The following ARHGEF4 variants were observed in gnomAD, a reference collection of about 807,000 sequenced individuals.
The protein encoded by ARHGEF4 is APC-stimulated guanine nucleotide exchange factor 1.
ARHGEF4 carries 119 observed loss-of-function variants against 162.0 expected under a neutral mutation model. The observed-to-expected ratio is 0.73, with a 90% CI of 0.63 to 0.86. The LOEUF (loss-of-function observed/expected upper bound fraction) is 0.86. Ranked by LOEUF, ARHGEF4 falls within the 40% of genes least tolerant of loss-of-function variation. The pLI is 0.00. For missense variants in ARHGEF4, 2,488 were observed against 2,456.0 expected, an observed-to-expected ratio of 1.01 and a Z score of -0.28; for synonymous variants, 1,014 against 979.9, an observed-to-expected ratio of 1.03 and a Z score of -0.65.
chr2:130,916,365 G>A lies in ARHGEF4; in HGVS notation c.2419G>A (p.Ala807Thr). 2 of 1,540,158 alleles carry A rather than the reference G, an allele frequency of 1.3e-6. No individual in the cohort carries two copies. The highest frequency in any genetic ancestry group is 1.7e-6 in the Non-Finnish European group (2 of 1,145,114). The change falls in exon 2 of 14, where the codon GCC becomes ACC. Residue 807 changes from alanine (A) to threonine (T), a missense_variant. Physicochemically the swap from Ala to Thr is moderately conservative, Grantham distance 58. Around this residue, in one of 6 missense-constraint regions of ARHGEF4, gnomAD observed 1,642 missense variants for 1,481.5 expected, o/e 1.11. Transcript: ENST00000409359. ...CTCCTTCAGGAAGGGCAGGCCCTTG[G>A]CCACTGAGAGCCCAGGAGGGGTCCC... ...VTSFRKGRPL[A>T]TESPGGVPAP...
intron 1 of ARHGEF4, among the ~76,000 whole-genome samples, chr2:130,870,792 G>A (rs1452949021): frequency 6.6e-6 from 1 of 152,162 alleles, no homozygotes; most frequent in African/African-American, 2.4e-5. Context: ...AGACATGGGG[G>A]TTGGCGGTGG....
chr2:131,008,142 G>A (rs571286811), intron 4 of ARHGEF4, among the ~76,000 whole-genome samples: 1 of 151,844 alleles, frequency 6.6e-6, no homozygotes, highest in Admixed American at 6.6e-5. Context: ...TTGGCTACAT[G>A]GTGTTTCATT....
At chr2:130,946,960 G>A (rs1039264356) in intron 4 of ARHGEF4, 8 of 234,026 alleles carry the variant, frequency 3.4e-5, no homozygotes, top group East Asian at 9.5e-5. Context: ...GGCCGGGTGC[G>A]GTGGCTCATG....
intron 4 of ARHGEF4, among the ~76,000 whole-genome samples, chr2:130,947,891 C>G (rs1683718273): frequency 6.6e-6 from 1 of 152,172 alleles, no homozygotes; most frequent in Non-Finnish European, 1.5e-5. Context: ...TCTAAAAGCT[C>G]ATGGCTGCTG....
At chr2:130,847,467 C>T (rs1265933342) in intron 1 of ARHGEF4, among the ~76,000 whole-genome samples, 11 of 152,218 alleles carry the variant, frequency 7.2e-5, no homozygotes, top group Admixed American at 7.2e-4. Context: ...GTGACTTAAT[C>T]ATTCATCCCT....
At chr2:130,923,113 T>A (rs1681991232) in intron 2 of ARHGEF4, among the ~76,000 whole-genome samples, 1 of 152,066 alleles carries the variant, frequency 6.6e-6, no homozygotes, top group Non-Finnish European at 1.5e-5. Context: ...GTATTTTTAG[T>A]AGAGATGGGT....
chr2:130,964,062 C>A, intron 4 of ARHGEF4: 1 of 634,254 alleles, frequency 1.6e-6, no homozygotes, highest in East Asian at 1.4e-4. Context: ...CGCAGCAATG[C>A]CCCAGCGAGT....
chr2:130,913,704 CT>C (rs2105051556), intron 1 of ARHGEF4, among the ~76,000 whole-genome samples: 1 of 152,306 alleles, frequency 6.6e-6, no homozygotes, highest in African/African-American at 2.4e-5. Context: ...CATTTTTATA[CT>C]TATGTAAACG....
intron 4 of ARHGEF4, among the ~76,000 whole-genome samples, chr2:130,956,821 G>A (rs545972984): frequency 1.6e-5 from 2 of 128,872 alleles, no homozygotes; most frequent in Non-Finnish European, 3.3e-5. Flanking sequence ...ACTGTCGTGG[G>A]GTGGGGGGAG....
intron 1 of ARHGEF4, among the ~76,000 whole-genome samples, chr2:130,909,362 C>T (rs1262330683): frequency 1.3e-5 from 2 of 152,102 alleles, no homozygotes; most frequent in Non-Finnish European, 2.9e-5. Context: ...CTGTCACATG[C>T]AACAAAACAT....
At chr2:131,016,450 C>T (rs1241633160) in intron 4 of ARHGEF4, among the ~76,000 whole-genome samples, 5 of 152,146 alleles carry the variant, frequency 3.3e-5, no homozygotes, top group Admixed American at 1.3e-4. Context: ...ACAGCCAGGC[C>T]GCCTGCACCC....
At chr2:131,027,767 T>C (rs1689574834) in intron 4 of ARHGEF4, among the ~76,000 whole-genome samples, 178 bp from the exon 5 acceptor site, 1 of 152,166 alleles carries the variant, frequency 6.6e-6, no homozygotes, top group Non-Finnish European at 1.5e-5. Context: ...TGGTGCATTC[T>C]TTCACCCAGG....
chr2:131,024,185 T>C (rs543717671), intron 4 of ARHGEF4, among the ~76,000 whole-genome samples: 2 of 151,944 alleles, frequency 1.3e-5, no homozygotes, highest in East Asian at 1.9e-4. Flanking sequence ...GGATGGAGGG[T>C]GCACAGTGCC....
At position 130,916,041 on chromosome 2, in the gene ARHGEF4, G is replaced by A; in HGVS notation, c.2095G>A (p.Ala699Thr). 6 of 1,550,432 alleles carry A rather than the reference G, an allele frequency of 3.9e-6. No homozygotes were observed. Among genetic ancestry groups the A allele is most frequent in the Admixed American group, 3.9e-5 (2 of 51,006 alleles). The change falls in exon 2 of 14, where the codon GCT becomes ACT. Residue 699 changes from alanine to threonine, a missense_variant. Transcript: ENST00000409359. ...CELPAAPIQG[A>T]GDGALQRVAQ... Reference sequence around the variant, plus strand: ...GTTGCCAGCAGCCCCCATACAGGGAGCTGGCGATGGGGCTCTTCAGCGGGT... The same window carrying A: ...GTTGCCAGCAGCCCCCATACAGGGAACTGGCGATGGGGCTCTTCAGCGGGT...
intron 1 of ARHGEF4, among the ~76,000 whole-genome samples, chr2:130,900,095 T>C (rs908415735): frequency 6.6e-6 from 1 of 152,226 alleles, no homozygotes; most frequent in Non-Finnish European, 1.5e-5. Context: ...ATACTCTGTA[T>C]GATATCAATT....
At chr2:130,865,482 C>T (rs1023307265) in intron 1 of ARHGEF4, among the ~76,000 whole-genome samples, 10 of 152,202 alleles carry the variant, frequency 6.6e-5, no homozygotes, top group Non-Finnish European at 8.8e-5. Flanking sequence ...GTTCCTCCCA[C>T]GTGAGGCAGG....
intron 1 of ARHGEF4, among the ~76,000 whole-genome samples, chr2:130,892,278 G>C (rs1679900296): frequency 1.3e-5 from 2 of 152,264 alleles, no homozygotes; most frequent in South Asian, 2.1e-4. Flanking sequence ...GACCAGATGT[G>C]GAGAGTTTCC....
At chr2:131,015,403 A>G (rs1425295646) in intron 4 of ARHGEF4, among the ~76,000 whole-genome samples, 1 of 152,198 alleles carries the variant, frequency 6.6e-6, no homozygotes, top group Non-Finnish European at 1.5e-5. Flanking sequence ...AGGAAATCTG[A>G]ACAAAATCTG....
intron 1 of ARHGEF4, among the ~76,000 whole-genome samples, chr2:130,879,602 C>T (rs1244836764): frequency 6.6e-6 from 1 of 152,154 alleles, no homozygotes; most frequent in African/African-American, 2.4e-5. Context: ...GCCCACACCC[C>T]AGCCCCTGGT....
Sources: gnomAD v4.1 joint callset for allele counts (sites outside exome capture counted in the v4.1 genomes callset) on GRCh38, gnomAD v4.1.1 for gene constraint, gnomAD v4.1.1 regional missense constraint, MANE v1.5 for transcripts, NCBI Gene and HGNC (gene_info 2026-07-23, HGNC 2026-07-21) for gene names.